Variants in FMNL2 observed in about 807,000 individuals in gnomAD.
FMNL2 encodes the protein formin-like protein 2.
In FMNL2, 51 loss-of-function variants were observed where a neutral mutation model predicts 130.2. That is an observed-to-expected ratio of 0.39 (90% CI 0.31 to 0.49). The LOEUF is 0.49. Among genes scored for constraint, FMNL2 ranks in the 20% least tolerant of loss-of-function variants. FMNL2 has a pLI of 0.85. For synonymous variants in FMNL2, 465 were observed against 467.1 expected, an observed-to-expected ratio of 1.00 and a Z score of 0.06; for missense variants, 977 against 1,316.2, an observed-to-expected ratio of 0.74 and a Z score of 3.99.
chr2:152,642,732 C>A (rs1324519199), intron 25 of FMNL2, among the ~76,000 whole-genome samples: 1 of 152,180 alleles, frequency 6.6e-6, no homozygotes, highest in African/African-American at 2.4e-5. Context: ...CCTGGCTGGG[C>A]GAGGTGGCCC....
intron 1 of FMNL2, among the ~76,000 whole-genome samples, chr2:152,417,721 C>T (rs917185793): frequency 2.6e-5 from 4 of 152,162 alleles, no homozygotes; most frequent in Admixed American, 6.6e-5. Flanking sequence ...CTCCTCTGTG[C>T]CTCATATTGT....
At chr2:152,435,911 A>G (rs974438598) in intron 1 of FMNL2, among the ~76,000 whole-genome samples, 10 of 152,334 alleles carry the variant, frequency 6.6e-5, no homozygotes, top group African/African-American at 1.9e-4. Context: ...GGCCCCCACC[A>G]CAATACTACC....
chr2:152,558,859 A>G (rs1471414001), intron 5 of FMNL2, 36 bp downstream of exon 5: 3 of 1,580,078 alleles, frequency 1.9e-6, no homozygotes, highest in Non-Finnish European at 2.6e-6. Flanking sequence ...TTTGAATTTT[A>G]TGTGGTCACA....
chr2:152,544,279 G>T (rs1339902477), intron 3 of FMNL2, among the ~76,000 whole-genome samples: 1 of 152,078 alleles, frequency 6.6e-6, no homozygotes, highest in African/African-American at 2.4e-5. Context: ...ATGGTGGCAG[G>T]CACCTGTAAT....
At chr2:152,343,000 T>C (rs1169979954) in intron 1 of FMNL2, among the ~76,000 whole-genome samples, 1 of 152,248 alleles carries the variant, frequency 6.6e-6, no homozygotes, top group Non-Finnish European at 1.5e-5. Flanking sequence ...TGATTTCTAG[T>C]CTTGTATAGT....
intron 9 of FMNL2, among the ~76,000 whole-genome samples, chr2:152,598,730 G>A (rs957622248): frequency 6.6e-6 from 1 of 152,194 alleles, no homozygotes; most frequent in Non-Finnish European, 1.5e-5. Flanking sequence ...TTGAAGAAAT[G>A]GAAGGTATTT....
chr2:152,398,808 A>G (rs1045415755), intron 1 of FMNL2, among the ~76,000 whole-genome samples: 3 of 152,246 alleles, frequency 2.0e-5, no homozygotes, highest in African/African-American at 4.8e-5. Context: ...AGAAACTGAT[A>G]CATGTAATAC....
chr2:152,528,246 G>A (rs1693499358), intron 2 of FMNL2, among the ~76,000 whole-genome samples: 1 of 152,094 alleles, frequency 6.6e-6, no homozygotes, highest in Non-Finnish European at 1.5e-5. Flanking sequence ...GTAGTTTTCT[G>A]TGCACCAAAT....
intron 1 of FMNL2, among the ~76,000 whole-genome samples, chr2:152,392,349 TC>T (rs1480465895): frequency 6.6e-6 from 1 of 152,162 alleles, no homozygotes; most frequent in Non-Finnish European, 1.5e-5. Flanking sequence ...GCATTTTTCA[TC>T]TTTTCTGTGG....
intron 1 of FMNL2, among the ~76,000 whole-genome samples, chr2:152,407,421 C>T (rs1469459670): frequency 1.3e-5 from 2 of 151,960 alleles, no homozygotes; most frequent in Non-Finnish European, 2.9e-5. Context: ...GCCTTTCTGC[C>T]GACTCCTGAC....
At chr2:152,575,102 G>A (rs1211720646) in intron 6 of FMNL2, 34 bp from the exon 7 acceptor site, 2 of 1,331,286 alleles carry the variant, frequency 1.5e-6, no homozygotes, top group South Asian at 1.2e-5. Flanking sequence ...AAAGTAACCT[G>A]TTGTTTTATA....
intron 1 of FMNL2, among the ~76,000 whole-genome samples, chr2:152,459,802 A>G (rs562937462): frequency 6.6e-6 from 1 of 152,326 alleles, no homozygotes; most frequent in African/African-American, 2.4e-5. Context: ...TGTGAAATAT[A>G]TCTCAACAAA....
intron 21 of FMNL2, among the ~76,000 whole-genome samples, chr2:152,635,602 T>C (rs188669467): frequency 7.9e-5 from 12 of 152,352 alleles, no homozygotes; most frequent in African/African-American, 2.6e-4. Flanking sequence ...CAGCAAATAC[T>C]GCAGTTACTT....
At chr2:152,463,547 C>T (rs1425137307) in intron 1 of FMNL2, among the ~76,000 whole-genome samples, 1 of 152,176 alleles carries the variant, frequency 6.6e-6, no homozygotes, top group African/African-American at 2.4e-5. Context: ...ATTACTGGTA[C>T]CAAGGGGTGG....
Position 152,625,430 on chromosome 2 carries a change from G to T in FMNL2, c.1838-8G>T. 1 of 1,600,848 alleles carries T rather than the reference G, an allele frequency of 6.2e-7. No homozygotes were observed. The highest frequency in any genetic ancestry group is 8.6e-7 in the Non-Finnish European group (1 of 1,169,582). On this transcript the variant is annotated splice_region_variant and splice_polypyrimidine_tract_variant and intron_variant, in intron 15 of 25. Transcript: ENST00000288670. ...GGATCTTAATTCCATTCTCTTTGAT[G>T]TCTTTAGCTGTGAAAATTAAGAAGC... is the stretch of plus-strand genomic sequence containing the variant.
chr2:152,560,862 G>C, intron 5 of FMNL2, 21 bp from the exon 6 acceptor site: 4 of 1,596,688 alleles, frequency 2.5e-6, no homozygotes, highest in Non-Finnish European at 3.4e-6. Flanking sequence ...AGTCTTCAAT[G>C]GCATTTCTCT....
At chr2:152,402,230 G>A (rs1169201893) in intron 1 of FMNL2, among the ~76,000 whole-genome samples, 1 of 152,088 alleles carries the variant, frequency 6.6e-6, no homozygotes, top group Non-Finnish European at 1.5e-5. Context: ...GCCCATAAAT[G>A]CTAAGCGTTG....
chr2:152,450,267 A>T (rs1397465602), intron 1 of FMNL2, among the ~76,000 whole-genome samples: 1 of 152,192 alleles, frequency 6.6e-6, no homozygotes, highest in African/African-American at 2.4e-5. Context: ...AATAAGAAAG[A>T]GGCAAGACAC....
intron 17 of FMNL2, among the ~76,000 whole-genome samples, chr2:152,627,003 G>C (rs766553930): frequency 3.3e-5 from 5 of 152,216 alleles, no homozygotes; most frequent in Non-Finnish European, 7.3e-5. Context: ...CATCTGGATT[G>C]TGACATCATT....
Sources: allele counts gnomAD v4.1 joint callset (sites outside exome capture counted in the v4.1 genomes callset), GRCh38; gene constraint gnomAD v4.1.1; transcripts MANE v1.5; gene names NCBI Gene and HGNC (gene_info 2026-07-23, HGNC 2026-07-21).